The following PDZRN4 variants were observed in gnomAD, a reference collection of about 807,000 sequenced individuals.
PDZRN4 encodes PDZ domain containing ring finger 4, also known as PDZ domain-containing RING finger protein 4.
In PDZRN4, 70 loss-of-function variants were observed where a neutral mutation model predicts 99.0. That is an observed-to-expected ratio of 0.71 (90% confidence interval 0.58 to 0.86). PDZRN4 has a LOEUF of 0.86. Ranked by LOEUF, PDZRN4 falls within the 40% of genes least tolerant of loss-of-function variation. The pLI, the probability that PDZRN4 is intolerant of heterozygous loss-of-function variation, is 0.00. For synonymous variants in PDZRN4, 551 were observed against 501.6 expected, an observed-to-expected ratio of 1.10 and a Z score of -1.32; for missense variants, 1,474 against 1,331.2, an observed-to-expected ratio of 1.11 and a Z score of -1.67.
At position 41,555,764 on chromosome 12, in the gene PDZRN4, G is replaced by C; in HGVS notation, c.1365+4G>C. On this transcript the variant is annotated splice_donor_region_variant and intron_variant, in intron 7 of 9. Coordinates refer to ENST00000402685, the MANE Select transcript of PDZRN4 (RefSeq NM_001164595.2). ...AGAAGGGGATCGGATTTTGCAAGTA[G>C]GTGGTATAGTAATTTCCTTTAGTTC... is the stretch of plus-strand genomic sequence containing the variant. 1 of 1,611,874 alleles carries C rather than the reference G, an allele frequency of 6.2e-7. No individual in the cohort carries two copies. Among genetic ancestry groups the C allele is most frequent in the Non-Finnish European group, 8.5e-7 (1 of 1,177,990 alleles).
At position 41,288,825 on chromosome 12, in the gene PDZRN4, T is replaced by C. The variant is rs529453161; in HGVS notation, c.843+94637T>C. Among the ~76,000 whole-genome samples the C allele has an allele frequency of 1.3e-3, 194 of 152,294 alleles. 1 individual carries two copies. The highest frequency in any genetic ancestry group is 4.5e-3 in the African/African-American group (185 of 41,562). On this transcript the variant is annotated intron_variant, in intron 3 of 9. Transcript: ENST00000402685. ...TGTAGGATTTAAAGAATTATGTTTA[T>C]ATAAACTTTGTTAAACTATCCAAGC...
intron 3 of PDZRN4, among the ~76,000 whole-genome samples, chr12:41,305,775 T>C (rs1951565699): frequency 6.6e-6 from 1 of 152,160 alleles, no homozygotes; most frequent in East Asian, 1.9e-4. Flanking sequence ...CCCACAAAAT[T>C]TGTGTCCTTC....
intron 3 of PDZRN4, among the ~76,000 whole-genome samples, chr12:41,213,641 G>T (rs533524754): frequency 6.6e-6 from 1 of 152,096 alleles, no homozygotes; most frequent in South Asian, 2.1e-4. Flanking sequence ...CAACAAAACA[G>T]AACAACAACA....
chr12:41,375,284 G>C (rs935102513), intron 3 of PDZRN4, among the ~76,000 whole-genome samples: 3 of 152,198 alleles, frequency 2.0e-5, no homozygotes, highest in Non-Finnish European at 4.4e-5. Flanking sequence ...TTTCAGGGTA[G>C]TGTGCTATTC....
rs115726213 is a variant in PDZRN4 at position 41,547,180 on chromosome 12, C to T, written c.1204-5476C>T. Among the ~76,000 whole-genome samples the T allele has an allele frequency of 2.5e-3, 385 of 152,320 alleles. 2 individuals carry two copies. The highest frequency in any genetic ancestry group is 8.7e-3 in the African/African-American group (363 of 41,560). ...AATAGAGAAGGGGGAAAAAACCTTC[C>T]TGATGTAAACAGAAGTGTCTTCCTG... On this transcript the variant is annotated intron_variant, in intron 5 of 9. Transcript: ENST00000402685.
At chr12:41,440,498 A>C (rs1952669578) in intron 3 of PDZRN4, among the ~76,000 whole-genome samples, 1 of 152,140 alleles carries the variant, frequency 6.6e-6, no homozygotes. Context: ...GTGCTCGCTG[A>C]GGAGTCCAGT....
At chr12:41,419,750 G>A (rs1257708572) in intron 3 of PDZRN4, among the ~76,000 whole-genome samples, 1 of 152,120 alleles carries the variant, frequency 6.6e-6, no homozygotes, top group African/African-American at 2.4e-5. Flanking sequence ...AGAAATAAGA[G>A]TCTATATCGG....
chr12:41,452,667 A>G (rs564648553), intron 3 of PDZRN4, among the ~76,000 whole-genome samples: 4 of 152,262 alleles, frequency 2.6e-5, no homozygotes, highest in Admixed American at 1.3e-4. Flanking sequence ...GTTAAATGCA[A>G]TACATTTAAT....
chr12:41,311,621 A>C (rs528437642), intron 3 of PDZRN4, among the ~76,000 whole-genome samples: 1 of 152,156 alleles, frequency 6.6e-6, no homozygotes, highest in Admixed American at 6.6e-5. Context: ...ATTTCTGCCT[A>C]CTCTTACAGA....
At chr12:41,287,826 A>G (rs1029344703) in intron 3 of PDZRN4, among the ~76,000 whole-genome samples, 1 of 152,224 alleles carries the variant, frequency 6.6e-6, no homozygotes, top group African/African-American at 2.4e-5. Context: ...GAATTTGGGT[A>G]GAAAATTAAA....
At chr12:41,226,517 G>A (rs984144575) in intron 3 of PDZRN4, among the ~76,000 whole-genome samples, 1 of 151,706 alleles carries the variant, frequency 6.6e-6, no homozygotes, top group Non-Finnish European at 1.5e-5. Context: ...GAGGAACAAA[G>A]CTTTGATTAG....
intron 3 of PDZRN4, among the ~76,000 whole-genome samples, chr12:41,272,771 C>T (rs868387274): frequency 6.6e-6 from 1 of 151,932 alleles, no homozygotes; most frequent in East Asian, 1.9e-4. Flanking sequence ...TTTATAATAA[C>T]ATATTTACTT....
chr12:41,306,918 A>C (rs1429154728), intron 3 of PDZRN4, among the ~76,000 whole-genome samples: 3 of 152,082 alleles, frequency 2.0e-5, no homozygotes, highest in Non-Finnish European at 4.4e-5. Context: ...TACCATTTAC[A>C]TTTCTACCAA....
chr12:41,194,036 A>C, intron 2 of PDZRN4, 45 bp from the exon 3 acceptor site: 1 of 859,122 alleles, frequency 1.2e-6, no homozygotes, highest in Non-Finnish European at 1.9e-6. Flanking sequence ...ATAATATTTA[A>C]ATTTTGCTTA....
At chr12:41,350,894 T>C (rs899319135) in intron 3 of PDZRN4, among the ~76,000 whole-genome samples, 1 of 152,068 alleles carries the variant, frequency 6.6e-6, no homozygotes, top group Non-Finnish European at 1.5e-5. Context: ...CAGCAGTCAA[T>C]ACCTCCCTAC....
chr12:41,241,753 A>C (rs1047566280), intron 3 of PDZRN4, among the ~76,000 whole-genome samples: 2 of 152,088 alleles, frequency 1.3e-5, no homozygotes, highest in Non-Finnish European at 2.9e-5. Context: ...AGTGTTTATT[A>C]GTATTCATGG....
chr12:41,295,437 AT>A (rs201417863), intron 3 of PDZRN4, among the ~76,000 whole-genome samples: 2,206 of 151,436 alleles, frequency 0.015, 22 homozygotes, highest in Middle Eastern at 0.034. Context: ...TTTTGAAGGC[AT>A]TTTTTTTTCT....
chr12:41,485,901 T>C (rs549661201), intron 3 of PDZRN4, among the ~76,000 whole-genome samples: 2 of 152,288 alleles, frequency 1.3e-5, no homozygotes, highest in African/African-American at 4.8e-5. Context: ...AGGTATGCTG[T>C]TAAATTAGTT....
chr12:41,246,271 A>G (rs771699437), intron 3 of PDZRN4, among the ~76,000 whole-genome samples: 1 of 152,128 alleles, frequency 6.6e-6, no homozygotes, highest in Non-Finnish European at 1.5e-5. Context: ...ATATTCATCG[A>G]GGTTTTAAAA....
Sources: allele counts gnomAD v4.1 joint callset (sites outside exome capture counted in the v4.1 genomes callset), GRCh38; gene constraint gnomAD v4.1.1; transcripts MANE v1.5; gene names NCBI Gene and HGNC (gene_info 2026-07-23, HGNC 2026-07-21).